EPB41L3: variants seen among roughly 807,000 people sequenced by gnomAD.
EPB41L3 encodes the protein band 4.1-like protein 3.
Under a neutral mutation model 127.1 loss-of-function variants are expected in EPB41L3, and 57 were observed. The observed-to-expected ratio is 0.45, with a 90% CI of 0.36 to 0.56. The LOEUF is 0.56. Among genes scored for constraint, EPB41L3 ranks in the 20% least tolerant of loss-of-function variants. EPB41L3 has a pLI of 0.00. For synonymous variants in EPB41L3, 572 were observed against 549.5 expected (o/e 1.04, Z -0.57); for missense variants, 1,273 against 1,372.2 (o/e 0.93, Z 1.14).
At chr18:5,509,742 C>T (rs1785035552) in intron 1 of EPB41L3, among the ~76,000 whole-genome samples, 1 of 152,200 alleles carries the variant, frequency 6.6e-6, no homozygotes, top group Non-Finnish European at 1.5e-5. Context: ...ATCATTCACT[C>T]ATTGAATCTA....
intron 1 of EPB41L3, among the ~76,000 whole-genome samples, chr18:5,531,263 T>C (rs1419178044): frequency 1.3e-5 from 2 of 152,292 alleles, no homozygotes; most frequent in South Asian, 2.1e-4. Flanking sequence ...TGTGTGACCA[T>C]GAGATACTTC....
Position 5,543,653 on chromosome 18 carries a change from A to G in EPB41L3, c.-12+260T>C, listed in dbSNP as rs9944645. Among the ~76,000 whole-genome samples the G allele has an allele frequency of 0.81, 118,650 of 146,552 alleles. 48,237 individuals are homozygous for G. The highest frequency in any genetic ancestry group is 0.84 in the Non-Finnish European group (55,200 of 65,818). On this transcript the variant is annotated intron_variant, in intron 1 of 22. Transcript: ENST00000341928. The surrounding 1 kb of genome is among the most constrained non-coding windows in gnomAD (Gnocchi z 5.2). ...GGCTCTGCGCGCCGGCCCAGCCACT[A>G]CTGCGCCGCGGCGGGCGGAGCGGGC...
chr18:5,422,213 A>AC (rs2077562705), intron 11 of EPB41L3, among the ~76,000 whole-genome samples: 1 of 152,172 alleles, frequency 6.6e-6, no homozygotes, highest in Admixed American at 6.5e-5. Context: ...CCATGCCACA[A>AC]GAGTACAGTT....
At chr18:5,538,193 A>G (rs2093625617) in intron 1 of EPB41L3, among the ~76,000 whole-genome samples, 1 of 152,232 alleles carries the variant, frequency 6.6e-6, no homozygotes. Flanking sequence ...AAATTCTTAC[A>G]TATTCAGAAT....
At chr18:5,497,369 T>A (rs1382693172) in intron 1 of EPB41L3, among the ~76,000 whole-genome samples, 1 of 152,054 alleles carries the variant, frequency 6.6e-6, no homozygotes, top group Non-Finnish European at 1.5e-5. Flanking sequence ...ATGGCAACAG[T>A]CCAGGTGAGG....
At chr18:5,536,666 G>T (rs921509929) in intron 1 of EPB41L3, among the ~76,000 whole-genome samples, 2 of 150,988 alleles carry the variant, frequency 1.3e-5, no homozygotes, top group Non-Finnish European at 2.9e-5. Context: ...AAAAAAAATA[G>T]CTGGGCAGGG....
At chr18:5,469,886 TCTC>T (rs953604701) in intron 3 of EPB41L3, among the ~76,000 whole-genome samples, 3 of 151,456 alleles carry the variant, frequency 2.0e-5, no homozygotes, top group Non-Finnish European at 2.9e-5. Flanking sequence ...TTCAAGCAAG[TCTC>T]CTGCCTCAGC....
At position 5,428,313 on chromosome 18, in the gene EPB41L3, C is replaced by T. The variant is rs1385443770; in HGVS notation, c.1065G>A (p.Glu355=). ...NNFYIKIRPG[E]FEQFESTIGF... Reference sequence around the variant, plus strand: ...CACAGGCAAATGTGGGTATACTTACCTCTCCCGGCCGGATCTTAATGTAAA... The same window carrying T: ...CACAGGCAAATGTGGGTATACTTACTTCTCCCGGCCGGATCTTAATGTAAA... The change falls in exon 9 of 23, where the codon GAG becomes GAA. Residue 355 remains glutamate (E), a splice_region_variant and synonymous_variant. Coordinates refer to ENST00000341928, the MANE Select transcript of EPB41L3 (RefSeq NM_012307.5). 1 of 1,614,006 alleles carries T rather than the reference C, an allele frequency of 6.2e-7. No individual in the cohort carries two copies. The highest frequency in any genetic ancestry group is 1.1e-5 in the South Asian group (1 of 91,072).
chr18:5,561,970 C>CA (rs1359988849), intron 3 of EPB41L3, among the ~76,000 whole-genome samples: 1 of 152,118 alleles, frequency 6.6e-6, no homozygotes, highest in Non-Finnish European at 1.5e-5. Flanking sequence ...AGATACTCTT[C>CA]AAAAGTGTCA....
Position 5,570,112 on chromosome 18 carries a change from G to A in EPB41L3, c.-306+42228C>T, listed in dbSNP as rs2094257958. 4 of 152,030 alleles carry A rather than the reference G, an allele frequency of 2.6e-5. No individual in the cohort carries two copies. The South Asian group carries it at 8.3e-4, about 32-fold the overall frequency. The allele number at this position is 152,030 out of a possible 1,614,324, so 9.4% of individuals were successfully genotyped here. A position where few individuals can be genotyped will look rare whatever the true frequency, so the allele number is the denominator to read the frequency against. ...GCGACAGACAACTGTGCTTTGATTG[G>A]TCTGCCTCCTCTATCCTATCCTGCC... On this transcript the variant is annotated intron_variant, in intron 3 of 21. Coordinates refer to the EPB41L3 transcript ENST00000545076.
At chr18:5,440,805 T>G (rs185936279) in intron 5 of EPB41L3, among the ~76,000 whole-genome samples, 186 of 152,340 alleles carry the variant, frequency 1.2e-3, no homozygotes, top group Non-Finnish European at 1.9e-3. Flanking sequence ...ATAGTCTATT[T>G]AGAAATTTTA....
chr18:5,405,964 G>A (rs1439289339), intron 16 of EPB41L3, among the ~76,000 whole-genome samples: 4 of 152,106 alleles, frequency 2.6e-5, no homozygotes, highest in African/African-American at 4.8e-5. Flanking sequence ...GATGGCTCAC[G>A]CCTGTAATCC....
chr18:5,474,781 T>A (rs1056562166), intron 3 of EPB41L3, among the ~76,000 whole-genome samples: 3 of 152,150 alleles, frequency 2.0e-5, no homozygotes, highest in Non-Finnish European at 4.4e-5. Flanking sequence ...TGTCTGCATG[T>A]CTCTTCTGTC....
At chr18:5,620,247 A>T (rs1189696857) in intron 1 of EPB41L3, among the ~76,000 whole-genome samples, 1 of 152,206 alleles carries the variant, frequency 6.6e-6, no homozygotes, top group East Asian at 1.9e-4. Flanking sequence ...AAATTAAGTG[A>T]CGATGAACCC....
chr18:5,613,215 C>T (rs879392728), intron 2 of EPB41L3, among the ~76,000 whole-genome samples: 4 of 152,106 alleles, frequency 2.6e-5, no homozygotes, highest in Non-Finnish European at 5.9e-5. Flanking sequence ...TTGACCAAGC[C>T]ACTAGACATT....
chr18:5,501,966 C>G (rs1051890267), intron 1 of EPB41L3, among the ~76,000 whole-genome samples: 1 of 152,122 alleles, frequency 6.6e-6, no homozygotes, highest in Non-Finnish European at 1.5e-5. Context: ...AAAGGGCTCC[C>G]CATTTATGCC....
rs759791744 is a variant in EPB41L3 at position 5,438,042 on chromosome 18, T to C, written c.598A>G (p.Ile200Val). The C allele has an allele frequency of 1.9e-6, 3 of 1,613,790 alleles. No individual in the cohort carries two copies. The highest frequency in any genetic ancestry group is 2.2e-5 in the East Asian group (1 of 44,850). The stretch of plus-strand genomic sequence containing the variant: ...TAGCCAACTTTCAAATACCTGGTGA[T>C]ATCTTCAGATAGTTGGGCAGGGTCT... ...PPDPAQLSED[I>V]TRYYLCLQLR... The change falls in exon 6 of 23, where the codon ATC becomes GTC. Residue 200 changes from isoleucine to valine, a missense_variant. Around this residue, in one of 3 missense-constraint regions of EPB41L3, gnomAD observed 326 missense variants for 440.2 expected, o/e 0.74. Transcript: ENST00000341928.
intron 1 of EPB41L3, among the ~76,000 whole-genome samples, chr18:5,504,665 C>G (rs535713458): frequency 6.6e-6 from 1 of 152,202 alleles, no homozygotes; most frequent in Admixed American, 6.5e-5. Context: ...TGGCATTCCT[C>G]TCCAGCTGGG....
chr18:5,592,579 C>T (rs1336956310), intron 3 of EPB41L3, among the ~76,000 whole-genome samples: 1 of 152,234 alleles, frequency 6.6e-6, no homozygotes, highest in Non-Finnish European at 1.5e-5. Context: ...GTAGCACATA[C>T]CCAGGACTGT....
Sources: gnomAD v4.1 joint callset for allele counts (sites outside exome capture counted in the v4.1 genomes callset) on GRCh38, gnomAD v4.1.1 for gene constraint, gnomAD v4.1.1 regional missense constraint, Gnocchi (gnomAD v3.1) non-coding constraint, MANE v1.5 for transcripts, NCBI Gene and HGNC (gene_info 2026-07-23, HGNC 2026-07-21) for gene names.